DNAJC10: variants seen among roughly 807,000 people sequenced by gnomAD.
The protein encoded by DNAJC10 is DnaJ heat shock protein family (Hsp40) member C10.
Under a neutral mutation model 115.0 loss-of-function variants are expected in DNAJC10, and 101 were observed. The observed-to-expected ratio is 0.88, with a 90% CI of 0.75 to 1.04. The LOEUF is 1.04. DNAJC10 is among the 50% of genes least tolerant of loss of function. The pLI, the probability that DNAJC10 is intolerant of heterozygous loss-of-function variation, is 0.00. For missense variants in DNAJC10, 981 were observed against 928.8 expected (o/e 1.06, Z -0.73); for synonymous variants, 307 against 301.5 (o/e 1.02, Z -0.19).
Position 182,785,309 on chromosome 2 carries a change from T to C in DNAJC10, c.*8177T>C, listed in dbSNP as rs1303940632. On this transcript the variant is annotated 3_prime_UTR_variant, in exon 24 of 24. Coordinates refer to ENST00000264065, the MANE Select transcript of DNAJC10 (RefSeq NM_018981.4). Reference sequence around the variant, plus strand: ...TAATAGCTTAATTTTTTTTTTTAATTCAAAAATCTCAGGGTTTTCTGGGGC... The same window carrying C: ...TAATAGCTTAATTTTTTTTTTTAATCCAAAAATCTCAGGGTTTTCTGGGGC... 6.6e-6 allele frequency: 1 copy of C among 152,074 alleles called. No homozygotes were observed. Among genetic ancestry groups the C allele is most frequent in the African/African-American group, 2.4e-5 (1 of 41,420 alleles). The allele number at this position is 152,074 out of a possible 1,614,324, so 9.4% of individuals were successfully genotyped here.
intron 14 of DNAJC10, among the ~76,000 whole-genome samples, chr2:182,748,908 T>C (rs1455501604): frequency 6.6e-6 from 1 of 152,054 alleles, no homozygotes; most frequent in African/African-American, 2.4e-5. Context: ...TTCATTTTGT[T>C]ATGTACCCAG....
chr2:182,788,242 G>A lies in DNAJC10; in HGVS notation c.*11110G>A, dbSNP rs1694985881. 6.2e-6 allele frequency: 1 copy of A among 160,784 alleles called. No individual in the cohort carries two copies. Among genetic ancestry groups the A allele is most frequent in the African/African-American group, 2.4e-5 (1 of 41,472 alleles). The allele number at this position is 160,784 out of a possible 1,614,324, so 10.0% of individuals were successfully genotyped here. On this transcript the variant is annotated 3_prime_UTR_variant, in exon 24 of 24. Coordinates refer to ENST00000264065, the MANE Select transcript of DNAJC10 (RefSeq NM_018981.4). The stretch of plus-strand genomic sequence containing the variant: ...CCCTCAGAGCACTCAAAGAGATCCG[G>A]AAGTGTGCCACAAAGGAAATGCGCG...
At chr2:182,758,301 CT>C (rs1162255690) in intron 19 of DNAJC10, among the ~76,000 whole-genome samples, 1 of 152,178 alleles carries the variant, frequency 6.6e-6, no homozygotes, top group Non-Finnish European at 1.5e-5. Flanking sequence ...GAACCCAAGT[CT>C]GTCTCAGCAC....
In DNAJC10 at chr2:182,732,662, T is replaced by C; in HGVS notation, c.849+120T>C. 3 of 958,566 alleles carry C rather than the reference T, an allele frequency of 3.1e-6. No homozygotes were observed. The South Asian group carries it at 4.4e-5, about 14-fold the overall frequency. The allele number at this position is 958,566 out of a possible 1,614,324, so 59.4% of individuals were successfully genotyped here. ...TTTAACTCACCTATTTGTAATCTTA[T>C]TTTCTGATGACTGTATTCATAGCTA... On this transcript the variant is annotated intron_variant, in intron 10 of 23. Transcript: ENST00000264065.
intron 16 of DNAJC10, chr2:182,754,799 G>C (rs1426894372): frequency 1.1e-5 from 15 of 1,317,034 alleles, no homozygotes; most frequent in Non-Finnish European, 1.9e-6. Context: ...CTATAAATAA[G>C]GATCAGGTAT....
At chr2:182,766,189 A>T (rs778301780) in intron 22 of DNAJC10, among the ~76,000 whole-genome samples, 9 of 152,188 alleles carry the variant, frequency 5.9e-5, no homozygotes, top group Admixed American at 3.3e-4. Context: ...TTGTTTAAGA[A>T]TCCAGGCGTT....
rs1483795335 is a variant in DNAJC10 at position 182,788,839 on chromosome 2, AAG to A, written c.*11713_*11714del. ...TAGTATGTCTACGGATTTTTTGGGG[AAG>A]AGAGATTTCACGTTAAAGGTCATTT... On this transcript the variant is annotated 3_prime_UTR_variant, in exon 24 of 24. Coordinates refer to ENST00000264065, the MANE Select transcript of DNAJC10 (RefSeq NM_018981.4). 6.6e-6 allele frequency: 3 copies of A among 456,056 alleles called. No individual in the cohort carries two copies. The highest frequency in any genetic ancestry group is 1.6e-5 in the South Asian group (1 of 64,066). The allele number at this position is 456,056 out of a possible 1,614,324, so 28.3% of individuals were successfully genotyped here. A position where few individuals can be genotyped will look rare whatever the true frequency, so the allele number is the denominator to read the frequency against.
chr2:182,762,539 G>A lies in DNAJC10; in HGVS notation c.2146-143G>A, dbSNP rs1694311442. On this transcript the variant is annotated intron_variant, in intron 21 of 23. Transcript: ENST00000264065. ...GAATAGGGGCTTAAAGGGATAATGT[G>A]GAAATAATCTTGTTTGAGTAGGAAG... 7.1e-6 allele frequency: 6 copies of A among 840,624 alleles called. No homozygotes were observed. The Admixed American group carries it at 1.1e-4, about 16-fold the overall frequency. 52.1% of individuals were successfully genotyped at this position (840,624 alleles called of 1,614,324 possible).
chr2:182,736,642 T>G (rs549032053), intron 11 of DNAJC10, among the ~76,000 whole-genome samples: 8 of 152,366 alleles, frequency 5.3e-5, no homozygotes, highest in African/African-American at 1.9e-4. Context: ...TAAAATTACC[T>G]TACATTTAAA....
rs1343573976 is a variant in DNAJC10, at chr2:182,759,264, G to C, written c.2102G>C (p.Gly701Ala). 1.4e-5 allele frequency: 23 copies of C among 1,610,532 alleles called. No homozygotes were observed. Among genetic ancestry groups the C allele is most frequent in the Non-Finnish European group, 2.0e-5 (23 of 1,179,270 alleles). The stretch of plus-strand genomic sequence containing the variant: ...ATTGATTTCTATGCTCCTTGGTGTG[G>C]ACCTTGCCAGAATTTTGCTCCAGAA... The part of the protein sequence containing the change: ...WVIDFYAPWC[G>A]PCQNFAPEFE... Residue 701 changes from glycine (G) to alanine (A), a missense_variant, in exon 21 of 24, where the codon GGA (glycine) becomes GCA (alanine). By Grantham distance (60) the Gly-to-Ala change is moderately conservative. Transcript: ENST00000264065.
At chr2:182,761,287 T>A (rs765210849) in intron 21 of DNAJC10, among the ~76,000 whole-genome samples, 1 of 152,180 alleles carries the variant, frequency 6.6e-6, no homozygotes, top group Non-Finnish European at 1.5e-5. Context: ...TATGGTGCCA[T>A]CTCATAAGTA....
intron 22 of DNAJC10, among the ~76,000 whole-genome samples, chr2:182,772,513 T>C (rs1441555485): frequency 1.3e-5 from 2 of 152,244 alleles, no homozygotes; most frequent in Non-Finnish European, 2.9e-5. Flanking sequence ...ATTGGGTCCA[T>C]ATATATTTAG....
rs1558995796 is a variant in DNAJC10 at position 182,722,041 on chromosome 2, T to A, written c.384T>A (p.Asp128Glu). The change falls in exon 5 of 24, where the codon GAT (aspartate) becomes GAA (glutamate). Residue 128 changes from aspartate to glutamate, a missense_variant. Coordinates refer to ENST00000264065, the MANE Select transcript of DNAJC10 (RefSeq NM_018981.4). ...TAAAATTAGGTATTTATGATGATGA[T>A]CCTGAAATCATAACATTGGAAAGAA... ...YRYDFGIYDD[D>E]PEIITLERRE... is the part of the protein sequence containing the mutation. 6.4e-7 allele frequency: 1 copy of A among 1,550,916 alleles called. No homozygotes were observed. The highest frequency in any genetic ancestry group is 8.7e-7 in the Non-Finnish European group (1 of 1,144,658).
chr2:182,768,591 G>A (rs1694476139), intron 22 of DNAJC10, among the ~76,000 whole-genome samples: 1 of 152,180 alleles, frequency 6.6e-6, no homozygotes, highest in Admixed American at 6.6e-5. Context: ...CTAGCACATA[G>A]TTGGGGATTA....
rs956275619 is a variant in DNAJC10 at position 182,792,613 on chromosome 2, G to A, written c.*15481G>A. The A allele has an allele frequency of 2.0e-5, 3 of 152,146 alleles. No homozygotes were observed. Among genetic ancestry groups the A allele is most frequent in the Non-Finnish European group, 4.4e-5 (3 of 68,030 alleles). The allele number at this position is 152,146 out of a possible 1,614,324, so 9.4% of individuals were successfully genotyped here. A position where few individuals can be genotyped will look rare whatever the true frequency, so the allele number is the denominator to read the frequency against. On this transcript the variant is annotated 3_prime_UTR_variant, in exon 24 of 24. Coordinates refer to ENST00000264065, the MANE Select transcript of DNAJC10 (RefSeq NM_018981.4). ...CTAAATGCATGCCAGTTTCTTTCTT[G>A]ATAAATTAGAGGCCTATAACCTCAA...
rs961258510 is a variant in DNAJC10, at chr2:182,756,234, C to T, written c.1654-80C>T. ...AGTATTTTGGATAAGAGATACTCAA[C>T]CTGTACCAACAATTTGCCAGGAATA... On this transcript the variant is annotated intron_variant, in intron 17 of 23. Coordinates refer to ENST00000264065, the MANE Select transcript of DNAJC10 (RefSeq NM_018981.4). The T allele has an allele frequency of 7.4e-6, 9 of 1,210,874 alleles. No individual in the cohort carries two copies. In the Admixed American group the frequency reaches 1.6e-4, roughly 21 times the overall value. The allele number at this position is 1,210,874 out of a possible 1,614,324, so 75.0% of individuals were successfully genotyped here. A position where few individuals can be genotyped will look rare whatever the true frequency, so the allele number is the denominator to read the frequency against.
At chr2:182,759,016 A>C in intron 20 of DNAJC10, 126 bp downstream of exon 20, 1 of 1,038,390 alleles carries the variant, frequency 9.6e-7, no homozygotes, top group Non-Finnish European at 1.4e-6. Context: ...GTAAAGTATT[A>C]TATTAACCAA....
chr2:182,732,528 C>T lies in DNAJC10; in HGVS notation c.835C>T (p.Leu279Phe). 1.9e-6 allele frequency: 3 copies of T among 1,613,152 alleles called. No homozygotes were observed. The highest frequency in any genetic ancestry group is 2.5e-6 in the Non-Finnish European group (3 of 1,179,386). ...TTTGACTTCACAGACACGACTCAGGCTTAGTGGCATGTTGGTAAGCATCAA... is the reference window on the plus strand; with the variant it reads ...TTTGACTTCACAGACACGACTCAGGTTTAGTGGCATGTTGGTAAGCATCAA... ...DCLTSQTRLR[L>F]SGMLDGLVNV... Residue 279 changes from leucine to phenylalanine, a missense_variant, in exon 10 of 24, where the codon CTT becomes TTT. By Grantham distance (22) the Leu-to-Phe change is conservative. Coordinates refer to ENST00000264065, the MANE Select transcript of DNAJC10 (RefSeq NM_018981.4).
intron 5 of DNAJC10, among the ~76,000 whole-genome samples, chr2:182,726,845 C>A (rs541782914): frequency 6.6e-6 from 1 of 152,108 alleles, no homozygotes; most frequent in South Asian, 2.1e-4. Flanking sequence ...AATCCTGCTG[C>A]CTCAGTCTCC....
Sources: gnomAD v4.1 joint callset for allele counts (sites outside exome capture counted in the v4.1 genomes callset) on GRCh38, gnomAD v4.1.1 for gene constraint, MANE v1.5 for transcripts, NCBI Gene and HGNC (gene_info 2026-07-23, HGNC 2026-07-21) for gene names.